Variants in HDAC4 observed in about 807,000 individuals in gnomAD.
HDAC4 encodes the protein histone deacetylase A.
In HDAC4, 16 loss-of-function variants were observed where a neutral mutation model predicts 135.1. The ratio of observed to expected loss-of-function variants is 0.12; its 90% CI spans 0.08 to 0.18. HDAC4 has a LOEUF of 0.18. Ranked by LOEUF, HDAC4 falls within the 10% of genes least tolerant of loss-of-function variation. HDAC4 has a pLI of 1.00. For synonymous variants in HDAC4, 685 were observed against 653.4 expected, an observed-to-expected ratio of 1.05 and a Z score of -0.74; for missense variants, 1,143 against 1,511.8, an observed-to-expected ratio of 0.76 and a Z score of 4.05.
intron 26 of HDAC4, 119 bp downstream of exon 26, chr2:239,053,341 G>A: frequency 7.1e-7 from 1 of 1,414,106 alleles, no homozygotes; most frequent in Non-Finnish European, 9.7e-7. Context: ...GGCCACACTG[G>A]CCTGTCTCTA....
At chr2:239,210,373 T>C (rs2046298202) in intron 3 of HDAC4, among the ~76,000 whole-genome samples, 2 of 152,232 alleles carry the variant, frequency 1.3e-5, no homozygotes, top group Non-Finnish European at 2.9e-5. Flanking sequence ...CAGTATGATT[T>C]CGATTATTAA....
chr2:239,140,909 C>A (rs1297171737), intron 8 of HDAC4: 2 of 460,018 alleles, frequency 4.3e-6, no homozygotes, highest in Middle Eastern at 3.3e-4. Context: ...GGTGGTGACT[C>A]TGCAAATATA....
At chr2:239,164,569 C>A (rs762353286) in intron 5 of HDAC4, among the ~76,000 whole-genome samples, 1 of 152,238 alleles carries the variant, frequency 6.6e-6, no homozygotes, top group African/African-American at 2.4e-5. Context: ...CCACTCTCAC[C>A]GCCTGAACAC....
intron 16 of HDAC4, 70 bp from the exon 17 acceptor site, chr2:239,095,126 G>A (rs111646470): frequency 2.8e-4 from 434 of 1,543,360 alleles, no homozygotes; most frequent in Non-Finnish European, 3.7e-4. Context: ...GGCCCTGGGC[G>A]CACTCCGGGG....
intron 24 of HDAC4, among the ~76,000 whole-genome samples, chr2:239,065,905 C>T (rs905387665): frequency 6.6e-6 from 1 of 152,238 alleles, no homozygotes; most frequent in African/African-American, 2.4e-5. Flanking sequence ...ACCCTGTAGA[C>T]GGGTTCAGAG....
chr2:239,228,953 C>T (rs1192492680), intron 3 of HDAC4, among the ~76,000 whole-genome samples: 1 of 152,100 alleles, frequency 6.6e-6, no homozygotes, highest in East Asian at 1.9e-4. Context: ...ACCAGCCTGG[C>T]CAATGTGGTG....
chr2:239,084,833 C>A (rs887424009), intron 19 of HDAC4, among the ~76,000 whole-genome samples: 24 of 151,156 alleles, frequency 1.6e-4, no homozygotes, highest in African/African-American at 5.8e-4. Context: ...ACACACACAC[C>A]ATGCAAACGC....
chr2:239,386,355 A>G (rs1449392682), intron 1 of HDAC4, among the ~76,000 whole-genome samples: 1 of 152,182 alleles, frequency 6.6e-6, no homozygotes, highest in African/African-American at 2.4e-5. Context: ...AGGAAAGACC[A>G]AAGAGAGATG....
chr2:239,131,474 G>T (rs1012900438), intron 11 of HDAC4, among the ~76,000 whole-genome samples: 3 of 152,250 alleles, frequency 2.0e-5, no homozygotes, highest in African/African-American at 7.2e-5. Context: ...CGAAGATGCA[G>T]TGTGATCCAG....
intron 2 of HDAC4, among the ~76,000 whole-genome samples, chr2:239,314,445 T>C (rs1311891229): frequency 6.6e-6 from 1 of 152,150 alleles, no homozygotes; most frequent in Non-Finnish European, 1.5e-5. Context: ...GTGCCTTAGC[T>C]TCCCATTTGC....
intron 3 of HDAC4, among the ~76,000 whole-genome samples, chr2:239,221,110 C>T (rs1002823714): frequency 2.0e-5 from 3 of 152,216 alleles, no homozygotes; most frequent in South Asian, 4.1e-4. Flanking sequence ...TTACCTTCCC[C>T]GTTTACAGGC....
At chr2:239,259,335 C>T (rs1212311302) in intron 2 of HDAC4, among the ~76,000 whole-genome samples, 1 of 152,138 alleles carries the variant, frequency 6.6e-6, no homozygotes, top group Non-Finnish European at 1.5e-5. Flanking sequence ...GTCACAGCTA[C>T]TCAGGTGGCT....
chr2:239,189,982 G>C lies in HDAC4; in HGVS notation c.190C>G (p.Pro64Ala), dbSNP rs763762312. 9 of 1,607,194 alleles carry C rather than the reference G, an allele frequency of 5.6e-6. No homozygotes were observed. In the Admixed American group the frequency reaches 6.7e-5, roughly 12 times the overall value. The change falls in exon 4 of 27, where the codon CCG becomes GCG. Residue 64 changes from proline to alanine, a missense_variant. Transcript: ENST00000543185. ...DHQFSLPVAE[P>A]ALREQQLQQE... ...TGCAGCTGCTGCTCCCGCAGGGCCG[G>C]CTCTGCCACAGGCAGTGAGAACTGG...
Position 239,316,386 on chromosome 2 carries a change from G to A in HDAC4, c.22+36292C>T, listed in dbSNP as rs1017000889. The stretch of plus-strand genomic sequence containing the variant: ...GGGCCAAGGTGGGAAGATCACTTGA[G>A]CCCAGGAGTTTGAGACCAGCCTGAG... On this transcript the variant is annotated intron_variant, in intron 2 of 26. Coordinates refer to ENST00000543185, the MANE Select transcript of HDAC4 (RefSeq NM_001378414.1). Among the ~76,000 whole-genome samples, 10 of 152,266 alleles carry A rather than the reference G, an allele frequency of 6.6e-5. No individual in the cohort carries two copies. In the East Asian group the frequency reaches 1.9e-3, roughly 29 times the overall value.
intron 3 of HDAC4, among the ~76,000 whole-genome samples, chr2:239,217,411 C>G (rs528885162): frequency 1.5e-4 from 23 of 152,218 alleles, no homozygotes; most frequent in African/African-American, 5.3e-4. Context: ...TCTCATTTTT[C>G]TCAGTGATAG....
At chr2:239,199,063 C>T (rs535765971) in intron 3 of HDAC4, among the ~76,000 whole-genome samples, 1 of 151,972 alleles carries the variant, frequency 6.6e-6, no homozygotes, top group Admixed American at 6.6e-5. Flanking sequence ...TTGTAATTAG[C>T]TGATGTATCT....
chr2:239,215,031 A>G (rs1446342379), intron 3 of HDAC4, among the ~76,000 whole-genome samples: 2 of 152,238 alleles, frequency 1.3e-5, no homozygotes, highest in Non-Finnish European at 2.9e-5. Context: ...TCTGGAAGGC[A>G]GGTGAGATCC....
intron 2 of HDAC4, among the ~76,000 whole-genome samples, chr2:239,238,923 C>T (rs530710124): frequency 8.7e-4 from 133 of 152,314 alleles, no homozygotes; most frequent in African/African-American, 3.2e-3. Flanking sequence ...ACCTACCCTT[C>T]AAGAAGACAT....
chr2:239,055,732 AAG>A (rs1491559463), intron 24 of HDAC4, among the ~76,000 whole-genome samples: 1 of 150,308 alleles, frequency 6.7e-6, no homozygotes, highest in Non-Finnish European at 1.5e-5. Flanking sequence ...AAAAAAAAAA[AAG>A]GTTGAAATGG....
Sources: allele counts gnomAD v4.1 joint callset (sites outside exome capture counted in the v4.1 genomes callset), GRCh38; gene constraint gnomAD v4.1.1; transcripts MANE v1.5; gene names NCBI Gene and HGNC (gene_info 2026-07-23, HGNC 2026-07-21).